Variants in PHF14 observed in about 807,000 individuals in gnomAD.
PHF14 encodes PHD finger protein 14.
PHF14 carries 55 observed loss-of-function variants against 117.9 expected under a neutral mutation model. That is an observed-to-expected ratio of 0.47 (90% confidence interval 0.38 to 0.58). The LOEUF is 0.58. Among genes scored for constraint, PHF14 ranks in the 20% least tolerant of loss-of-function variants. The pLI is 0.00. For missense variants in PHF14, 978 were observed against 1,122.2 expected (o/e 0.87, Z 1.84); for synonymous variants, 409 against 368.6 (o/e 1.11, Z -1.26).
chr7:10,990,509 A>G (rs1188498077), intron 3 of PHF14, among the ~76,000 whole-genome samples, 194 bp from the exon 4 acceptor site: 1 of 152,218 alleles, frequency 6.6e-6, no homozygotes, highest in African/African-American at 2.4e-5. Flanking sequence ...GGGTGCTTAC[A>G]GGGTTCTTTG....
At chr7:11,017,802 T>A (rs1583371848) in intron 5 of PHF14, among the ~76,000 whole-genome samples, 1 of 152,342 alleles carries the variant, frequency 6.6e-6, no homozygotes, top group South Asian at 2.1e-4. Context: ...TTTGCTTCGG[T>A]TGCTTGTGCT....
At chr7:11,086,887 A>T (rs1786429162) in intron 16 of PHF14, among the ~76,000 whole-genome samples, 1 of 152,052 alleles carries the variant, frequency 6.6e-6, no homozygotes. Context: ...TATTACTCTT[A>T]GTCCTCTTGG....
chr7:10,996,990 G>A (rs1021593764), intron 4 of PHF14, among the ~76,000 whole-genome samples: 1 of 152,148 alleles, frequency 6.6e-6, no homozygotes, highest in Non-Finnish European at 1.5e-5. Flanking sequence ...CCAAATTAAG[G>A]CCTCAGGAAT....
intron 17 of PHF14, among the ~76,000 whole-genome samples, chr7:11,120,552 A>G (rs1391437055): frequency 6.6e-6 from 1 of 152,056 alleles, no homozygotes; most frequent in Non-Finnish European, 1.5e-5. Context: ...TCCATTTGTT[A>G]TAATTTCTTG....
intron 17 of PHF14, among the ~76,000 whole-genome samples, chr7:11,168,396 GT>G (rs1211871385): frequency 6.6e-6 from 1 of 152,142 alleles, no homozygotes; most frequent in Non-Finnish European, 1.5e-5. Context: ...CAAGTATGTA[GT>G]TTGTCATAGA....
chr7:10,988,074 AGGAGGATGT>A lies in PHF14; in HGVS notation c.901-2627_901-2619del, dbSNP rs1782290302. ...AAAACTGAGATCCTAATTTTTTTTA[AGGAGGATGT>A]GTTACTTAGATTTTCCAGTTGAAAC... is the stretch of plus-strand genomic sequence containing the variant. On this transcript the variant is annotated intron_variant, in intron 3 of 17. Coordinates refer to ENST00000634607, the MANE Select transcript of PHF14 (RefSeq NM_001007157.2). Among the ~76,000 whole-genome samples the A allele has an allele frequency of 2.0e-5, 3 of 151,092 alleles. No individual in the cohort carries two copies. In the South Asian group the frequency reaches 6.2e-4, roughly 31 times the overall value.
intron 17 of PHF14, among the ~76,000 whole-genome samples, chr7:11,134,150 T>C (rs1788157171): frequency 6.6e-6 from 1 of 151,982 alleles, no homozygotes; most frequent in Non-Finnish European, 1.5e-5. Flanking sequence ...TGGGCAGCGT[T>C]CTAAGTTTAA....
intron 2 of PHF14, among the ~76,000 whole-genome samples, chr7:10,978,145 T>A (rs1306776606): frequency 6.6e-6 from 1 of 152,220 alleles, no homozygotes; most frequent in African/African-American, 2.4e-5. Flanking sequence ...ACTTTGGTGG[T>A]ATTTTGTGCT....
intron 16 of PHF14, among the ~76,000 whole-genome samples, chr7:11,080,609 G>T (rs1002072524): frequency 1.3e-5 from 2 of 152,016 alleles, no homozygotes; most frequent in African/African-American, 2.4e-5. Flanking sequence ...CAAAATAGAA[G>T]GGTTTACATT....
chr7:10,986,498 T>C (rs953047050), intron 3 of PHF14, among the ~76,000 whole-genome samples: 1 of 152,160 alleles, frequency 6.6e-6, no homozygotes, highest in Non-Finnish European at 1.5e-5. Flanking sequence ...GCCTTTACCT[T>C]TTATACCTAC....
intron 16 of PHF14, among the ~76,000 whole-genome samples, chr7:11,069,057 G>T (rs1309412777): frequency 1.3e-5 from 2 of 152,154 alleles, no homozygotes; most frequent in Non-Finnish European, 2.9e-5. Flanking sequence ...AGGAAAACAA[G>T]CAAAGTTCAA....
intron 13 of PHF14, among the ~76,000 whole-genome samples, chr7:11,044,585 G>T (rs892520861): frequency 6.6e-6 from 1 of 152,092 alleles, no homozygotes; most frequent in Non-Finnish European, 1.5e-5. Context: ...AAGATTCAGA[G>T]AATTGTTTTT....
intron 16 of PHF14, chr7:11,105,678 A>T: frequency 1.0e-6 from 1 of 983,690 alleles, no homozygotes; most frequent in South Asian, 4.7e-5. Context: ...TTTCTAAGAT[A>T]GGCATGCTTT....
At chr7:11,042,962 C>G (rs1784546707) in intron 13 of PHF14, 148 bp downstream of exon 13, 3 of 572,812 alleles carry the variant, frequency 5.2e-6, no homozygotes, top group Non-Finnish European at 8.8e-6. Flanking sequence ...CATTATGTGA[C>G]TAAATCTATA....
intron 4 of PHF14, among the ~76,000 whole-genome samples, chr7:10,997,873 C>T (rs1782716365): frequency 6.6e-6 from 1 of 152,190 alleles, no homozygotes; most frequent in Admixed American, 6.5e-5. Flanking sequence ...GTAGTGCATA[C>T]AACCATTTCT....
intron 16 of PHF14, chr7:11,105,760 C>G (rs918092757): frequency 5.4e-5 from 53 of 984,624 alleles, no homozygotes; most frequent in African/African-American, 2.1e-4. Context: ...GTAGGCCTGC[C>G]GATAAGATTC....
intron 5 of PHF14, among the ~76,000 whole-genome samples, chr7:11,018,652 G>C (rs1298890826): frequency 1.3e-5 from 2 of 152,038 alleles, no homozygotes; most frequent in African/African-American, 2.4e-5. Flanking sequence ...GAGGTCTTTA[G>C]GTTTTTCCAA....
chr7:11,040,815 A>AT (rs1443939771), intron 12 of PHF14, 40 bp downstream of exon 12: 4 of 993,316 alleles, frequency 4.0e-6, no homozygotes, highest in South Asian at 2.0e-5. Flanking sequence ...AATGTTGTGT[A>AT]TTTTTTTAAA....
chr7:11,009,388 T>TGA (rs1783255976), intron 4 of PHF14, among the ~76,000 whole-genome samples: 1 of 152,220 alleles, frequency 6.6e-6, no homozygotes, highest in Non-Finnish European at 1.5e-5. Context: ...TTCTTAAATA[T>TGA]GAGTTGTGTA....
Sources: gnomAD v4.1 joint callset for allele counts (sites outside exome capture counted in the v4.1 genomes callset) on GRCh38, gnomAD v4.1.1 for gene constraint, MANE v1.5 for transcripts, NCBI Gene and HGNC (gene_info 2026-07-23, HGNC 2026-07-21) for gene names.